COX10: variants seen among roughly 807,000 people sequenced by gnomAD.
COX10 encodes the protein cytochrome c oxidase assembly factor heme A:farnesyltransferase COX10.
Under a neutral mutation model 37.3 loss-of-function variants are expected in COX10, and 27 were observed. The ratio of observed to expected loss-of-function variants is 0.72; its 90% CI spans 0.53 to 1.00. COX10 has a LOEUF of 1.00. Ranked by LOEUF, COX10 falls within the 50% of genes least tolerant of loss-of-function variation. COX10 has a pLI of 0.00. For synonymous variants in COX10, 222 were observed against 229.1 expected (o/e 0.97, Z 0.28); for missense variants, 475 against 563.2 (o/e 0.84, Z 1.59).
chr17:14,207,067 G>A lies in COX10; in HGVS notation c.1186G>A (p.Gly396Ser), dbSNP rs142336139. The A allele has an allele frequency of 2.0e-5, 32 of 1,613,894 alleles. No individual in the cohort carries two copies. The South Asian group carries it at 2.3e-4, about 12-fold the overall frequency. The change falls in exon 7 of 7, where the codon GGC (glycine) becomes AGC (serine). Residue 396 changes from glycine (G) to serine (S), a missense_variant. By Grantham distance (56) the Gly-to-Ser change is moderately conservative (BLOSUM62 0). Around this residue, in one of 5 missense-constraint regions of COX10, gnomAD observed 160 missense variants for 180.6 expected, o/e 0.89. Transcript: ENST00000261643. ...LPINAYISYL[G>S]FRFYVDADRR... is the part of the protein sequence containing the mutation. ...CATCAATGCGTACATCTCCTACCTC[G>A]GCTTCCGCTTCTACGTGGACGCAGA...
intron 4 of COX10, among the ~76,000 whole-genome samples, chr17:14,105,085 T>C (rs888876437): frequency 7.9e-5 from 12 of 152,130 alleles, no homozygotes; most frequent in Non-Finnish European, 1.6e-4. Context: ...AAGATAAGAA[T>C]TATCAAAAAA....
intron 6 of COX10, among the ~76,000 whole-genome samples, chr17:14,198,775 A>T (rs1343923636): frequency 6.6e-6 from 1 of 152,184 alleles, no homozygotes; most frequent in East Asian, 1.9e-4. Context: ...CCATTCAACA[A>T]ATATTTATTG....
intron 5 of COX10, among the ~76,000 whole-genome samples, chr17:14,188,146 A>G (rs1471902953): frequency 3.4e-5 from 5 of 147,642 alleles, no homozygotes; most frequent in Non-Finnish European, 6.0e-5. Flanking sequence ...TTCAGGAAAA[A>G]TAAAATGTTT....
chr17:14,106,213 C>T (rs918374355), intron 4 of COX10, among the ~76,000 whole-genome samples: 5 of 152,030 alleles, frequency 3.3e-5, no homozygotes, highest in African/African-American at 1.2e-4. Context: ...GACGTGGTTT[C>T]ACCATGTTGG....
At chr17:14,189,603 C>T (rs188845394) in intron 5 of COX10, among the ~76,000 whole-genome samples, 24 of 152,284 alleles carry the variant, frequency 1.6e-4, no homozygotes, top group Admixed American at 1.4e-3. Context: ...TCCTTAATGC[C>T]TCAATCTAGA....
At chr17:14,093,662 G>T (rs1412626091) in intron 3 of COX10, among the ~76,000 whole-genome samples, 1 of 152,136 alleles carries the variant, frequency 6.6e-6, no homozygotes, top group Non-Finnish European at 1.5e-5. Context: ...TGGCAGGGCT[G>T]CTTCTGCCCA....
At chr17:14,202,826 C>T (rs756665176) in intron 6 of COX10, among the ~76,000 whole-genome samples, 5 of 151,820 alleles carry the variant, frequency 3.3e-5, no homozygotes, top group Non-Finnish European at 7.4e-5. Flanking sequence ...CCAGCCCCAT[C>T]TTGTAACTCT....
chr17:14,111,357 G>A (rs1916003698), intron 4 of COX10, among the ~76,000 whole-genome samples: 1 of 152,050 alleles, frequency 6.6e-6, no homozygotes, highest in South Asian at 2.1e-4. Context: ...ATCACAGGGG[G>A]AACAAAGAAA....
chr17:14,137,950 G>GTTTTT (rs55924353), intron 4 of COX10, among the ~76,000 whole-genome samples: 1 of 134,416 alleles, frequency 7.4e-6, no homozygotes, highest in Admixed American at 7.4e-5. Flanking sequence ...ACACAATTCA[G>GTTTTT]TTTTTTTTTT....
At chr17:14,136,885 A>G (rs562786384) in intron 4 of COX10, among the ~76,000 whole-genome samples, 39 of 151,978 alleles carry the variant, frequency 2.6e-4, no homozygotes, top group Non-Finnish European at 5.4e-4. Context: ...TGACATTGAA[A>G]TCTTTTTGGT....
At chr17:14,093,710 TC>T (rs1915579578) in intron 3 of COX10, among the ~76,000 whole-genome samples, 1 of 152,054 alleles carries the variant, frequency 6.6e-6, no homozygotes, top group Non-Finnish European at 1.5e-5. Context: ...TCCTTCCAAT[TC>T]CCCCTTACAA....
At position 14,069,577 on chromosome 17, in the gene COX10, C is replaced by T. The variant is rs373184679; in HGVS notation, c.-29C>T. On this transcript the variant is annotated 5_prime_UTR_variant, in exon 1 of 7. Transcript: ENST00000261643. The stretch of plus-strand genomic sequence containing the variant: ...CCGTGAGGAGAGAGGACACAGGGAT[C>T]CCGGGGAGCGGCCCCAGACTCGTAA... 2 of 1,613,626 alleles carry T rather than the reference C, an allele frequency of 1.2e-6. No individual in the cohort carries two copies. Among genetic ancestry groups the T allele is most frequent in the Non-Finnish European group, 1.7e-6 (2 of 1,179,864 alleles).
intron 5 of COX10, among the ~76,000 whole-genome samples, chr17:14,186,692 A>G (rs190233440): frequency 2.6e-5 from 4 of 151,954 alleles, no homozygotes; most frequent in Admixed American, 2.6e-4. Context: ...TGCATAATGG[A>G]GTAAACTGAA....
rs542643653 is a variant in COX10, at chr17:14,089,967, AG to A, written c.500-12148del. On this transcript the variant is annotated intron_variant, in intron 3 of 6. Coordinates refer to ENST00000261643, the MANE Select transcript of COX10 (RefSeq NM_001303.4). ...ACAAGAATATGTTTATTTCCCATTA[AG>A]GGAGACCTCTGCAACTTACAGCTAA... Among the ~76,000 whole-genome samples the A allele has an allele frequency of 4.6e-5, 7 of 152,184 alleles. No individual in the cohort carries two copies. In the South Asian group the frequency reaches 1.0e-3, roughly 23 times the overall value.
intron 4 of COX10, among the ~76,000 whole-genome samples, chr17:14,109,277 GAA>G (rs1187372075): frequency 6.6e-6 from 1 of 152,108 alleles, no homozygotes; most frequent in Non-Finnish European, 1.5e-5. Flanking sequence ...ATGACAGAAA[GAA>G]AATGCATTTT....
intron 4 of COX10, among the ~76,000 whole-genome samples, chr17:14,109,311 G>T (rs1452127457): frequency 6.6e-6 from 1 of 152,116 alleles, no homozygotes; most frequent in African/African-American, 2.4e-5. Context: ...CTCTTTTCCT[G>T]AATTTAAATA....
chr17:14,179,244 T>C, intron 5 of COX10: 9 of 982,754 alleles, frequency 9.2e-6, no homozygotes, highest in Non-Finnish European at 8.5e-6. Flanking sequence ...CTACCATCTC[T>C]TATCAAACCT....
At chr17:14,202,761 T>TC (rs1209720476) in intron 6 of COX10, among the ~76,000 whole-genome samples, 8 of 147,192 alleles carry the variant, frequency 5.4e-5, no homozygotes, top group African/African-American at 1.5e-4. Context: ...CCCAGCCTGT[T>TC]CCCCCCTGCG....
intron 5 of COX10, among the ~76,000 whole-genome samples, chr17:14,187,495 T>G (rs1303134526): frequency 6.6e-6 from 1 of 152,202 alleles, no homozygotes; most frequent in Admixed American, 6.5e-5. Context: ...AAACCACAAT[T>G]TAGCATATTC....
Sources: gnomAD v4.1 joint callset for allele counts (sites outside exome capture counted in the v4.1 genomes callset) on GRCh38, gnomAD v4.1.1 for gene constraint, gnomAD v4.1.1 regional missense constraint, MANE v1.5 for transcripts, NCBI Gene and HGNC (gene_info 2026-07-23, HGNC 2026-07-21) for gene names.